The following RPS6KC1 variants were observed in gnomAD, a reference collection of about 807,000 sequenced individuals.
RPS6KC1 encodes ribosomal protein S6 kinase C1.
A neutral mutation model predicts 103.8 loss-of-function variants in RPS6KC1; 54 were observed. The observed-to-expected ratio is 0.52, with a 90% CI of 0.42 to 0.65. The LOEUF (loss-of-function observed/expected upper bound fraction) is 0.65. Among genes scored for constraint, RPS6KC1 ranks in the 30% least tolerant of loss-of-function variants. The probability of loss-of-function intolerance (pLI) is 0.00; values close to 1 mark genes in which losing one functional copy is unlikely to be tolerated. For synonymous variants in RPS6KC1, 439 were observed against 438.7 expected, an observed-to-expected ratio of 1.00 and a Z score of -0.01; for missense variants, 1,151 against 1,253.8, an observed-to-expected ratio of 0.92 and a Z score of 1.24.
At chr1:213,563,167 T>C in the RPS6KC1 span, among the ~76,000 whole-genome samples, 12 of 152,300 alleles carry the variant, frequency 7.9e-5, no homozygotes, top group South Asian at 2.1e-4. Context: ...TGTATAGGCA[T>C]TTGCAATTGT....
At chr1:213,397,131 A>G in the RPS6KC1 span, among the ~76,000 whole-genome samples, 2 of 152,312 alleles carry the variant, frequency 1.3e-5, no homozygotes, top group South Asian at 4.1e-4. Flanking sequence ...ATGGTTGAGA[A>G]TTCTTATGGT....
chr1:213,719,781 C>T, the RPS6KC1 span, among the ~76,000 whole-genome samples: 3 of 151,994 alleles, frequency 2.0e-5, no homozygotes, highest in Non-Finnish European at 2.9e-5. Flanking sequence ...TCATACAGTA[C>T]GTGGAAGGTG....
chr1:213,807,022 T>C, the RPS6KC1 span, among the ~76,000 whole-genome samples: 1 of 152,282 alleles, frequency 6.6e-6, no homozygotes, highest in East Asian at 1.9e-4. Flanking sequence ...AGGATTTTAT[T>C]TCTCCTTCAC....
At chr1:213,395,733 C>T in the RPS6KC1 span, among the ~76,000 whole-genome samples, 35 of 152,248 alleles carry the variant, frequency 2.3e-4, no homozygotes, top group African/African-American at 6.3e-4. Flanking sequence ...ATAATTGGCA[C>T]GAGCCTGAGC....
chr1:213,723,490 G>A, the RPS6KC1 span, among the ~76,000 whole-genome samples: 4 of 152,068 alleles, frequency 2.6e-5, no homozygotes, highest in South Asian at 8.3e-4. Context: ...GTGGTATATG[G>A]GTGTTTCCTA....
chr1:213,137,784 T>C (rs2149060043), intron 6 of RPS6KC1, among the ~76,000 whole-genome samples: 1 of 83,534 alleles, frequency 1.2e-5, no homozygotes, highest in Non-Finnish European at 2.5e-5. Flanking sequence ...TCTCTATATA[T>C]ATATATATAT....
At chr1:213,459,245 T>C in the RPS6KC1 span, among the ~76,000 whole-genome samples, 1 of 152,192 alleles carries the variant, frequency 6.6e-6, no homozygotes, top group African/African-American at 2.4e-5. Flanking sequence ...TGGGCTTTTT[T>C]TTGGTTTGTA....
the RPS6KC1 span, among the ~76,000 whole-genome samples, chr1:213,625,848 G>C: frequency 1.3e-5 from 2 of 152,070 alleles, no homozygotes; most frequent in Non-Finnish European, 2.9e-5. Context: ...ATTTGGCTTG[G>C]TTCCAAGTCT....
At chr1:213,191,016 T>G (rs2092724969) in intron 8 of RPS6KC1, among the ~76,000 whole-genome samples, 2 of 152,212 alleles carry the variant, frequency 1.3e-5, no homozygotes, top group African/African-American at 4.8e-5. Context: ...GTGTCTGTGT[T>G]TATGCCAGTA....
the RPS6KC1 span, among the ~76,000 whole-genome samples, chr1:213,292,525 T>G: frequency 6.6e-6 from 1 of 152,146 alleles, no homozygotes; most frequent in Non-Finnish European, 1.5e-5. Context: ...AGAAACCCTT[T>G]CCTGTGACAC....
At chr1:213,759,949 T>A in the RPS6KC1 span, among the ~76,000 whole-genome samples, 1 of 152,206 alleles carries the variant, frequency 6.6e-6, no homozygotes, top group African/African-American at 2.4e-5. Flanking sequence ...TTTACTTTGA[T>A]TTGGGTGCAA....
the RPS6KC1 span, among the ~76,000 whole-genome samples, chr1:213,727,599 G>A: frequency 6.6e-6 from 1 of 152,168 alleles, no homozygotes; most frequent in Non-Finnish European, 1.5e-5. Flanking sequence ...TTTATTGATA[G>A]GCCAGGAAGA....
At chr1:213,249,141 G>T (rs530589263) in intron 12 of RPS6KC1, among the ~76,000 whole-genome samples, 1 of 151,934 alleles carries the variant, frequency 6.6e-6, no homozygotes, top group East Asian at 1.9e-4. Context: ...TTTATTTTTC[G>T]TATCTCAGTT....
the RPS6KC1 span, among the ~76,000 whole-genome samples, chr1:213,786,698 T>A: frequency 6.6e-6 from 1 of 152,206 alleles, no homozygotes. Context: ...TGACAACTAG[T>A]CCCAGGCTTT....
chr1:213,613,642 G>T, the RPS6KC1 span, among the ~76,000 whole-genome samples: 1 of 152,072 alleles, frequency 6.6e-6, no homozygotes, highest in Non-Finnish European at 1.5e-5. Context: ...GAACTTAAAG[G>T]CAGAGGACCT....
chr1:213,169,881 A>G (rs1233924877), intron 7 of RPS6KC1, among the ~76,000 whole-genome samples: 1 of 148,164 alleles, frequency 6.7e-6, no homozygotes, highest in Non-Finnish European at 1.5e-5. Context: ...TCCCGGGTTC[A>G]GGCGATTCTC....
intron 7 of RPS6KC1, 33 bp downstream of exon 7, chr1:213,168,006 A>C: frequency 6.9e-7 from 1 of 1,452,890 alleles, no homozygotes; most frequent in Non-Finnish European, 9.6e-7. Context: ...TGTTTTCTTC[A>C]GTGATTTTTT....
chr1:213,293,825 A>T, the RPS6KC1 span, among the ~76,000 whole-genome samples: 1 of 152,230 alleles, frequency 6.6e-6, no homozygotes, highest in East Asian at 1.9e-4. Flanking sequence ...GGTTATAATT[A>T]TGTAGGAACT....
chr1:213,081,397 G>A (rs996223849), intron 3 of RPS6KC1, among the ~76,000 whole-genome samples: 1 of 152,076 alleles, frequency 6.6e-6, no homozygotes, highest in Non-Finnish European at 1.5e-5. Flanking sequence ...TTTAGTTCAC[G>A]GGAACTAAGA....
Sources: allele counts gnomAD v4.1 joint callset (sites outside exome capture counted in the v4.1 genomes callset), GRCh38; gene constraint gnomAD v4.1.1; transcripts MANE v1.5; gene names NCBI Gene and HGNC (gene_info 2026-07-23, HGNC 2026-07-21).